Variants in ZFAND3 observed in about 807,000 individuals in gnomAD.
ZFAND3 encodes zinc finger AN1-type containing 3.
In ZFAND3, 10 loss-of-function variants were observed where a neutral mutation model predicts 29.6. That is an observed-to-expected ratio of 0.34 (90% CI 0.21 to 0.57). The LOEUF is 0.57. Ranked by LOEUF, ZFAND3 falls within the 20% of genes least tolerant of loss-of-function variation. ZFAND3 has a pLI of 0.86. For synonymous variants in ZFAND3, 128 were observed against 112.6 expected, an observed-to-expected ratio of 1.14 and a Z score of -0.87; for missense variants, 230 against 304.5, an observed-to-expected ratio of 0.76 and a Z score of 1.82.
At chr6:38,005,015 T>C (rs1763024842) in intron 2 of ZFAND3, among the ~76,000 whole-genome samples, 1 of 152,202 alleles carries the variant, frequency 6.6e-6, no homozygotes, top group Non-Finnish European at 1.5e-5. Context: ...CAGTTGCGTG[T>C]GTGAATAGTG....
chr6:38,152,448 AG>A lies in ZFAND3; in HGVS notation c.*61del. 1 of 1,479,646 alleles carries A rather than the reference AG, an allele frequency of 6.8e-7. No individual in the cohort carries two copies. Among genetic ancestry groups the A allele is most frequent in the Non-Finnish European group, 9.0e-7 (1 of 1,115,634 alleles). 91.7% of individuals were successfully genotyped at this position (1,479,646 alleles called of 1,614,324 possible). ...TAGTTCACTAATGTTAGCCTTATTT[AG>A]GACAAAGTCAGCCAGACACCTTGTA... is the stretch of plus-strand genomic sequence containing the variant. On this transcript the variant is annotated 3_prime_UTR_variant, in exon 6 of 6. Coordinates refer to ENST00000287218, the MANE Select transcript of ZFAND3 (RefSeq NM_021943.3).
At chr6:37,896,507 C>CTTTCTTT (rs1765206573) in intron 1 of ZFAND3, among the ~76,000 whole-genome samples, 1 of 109,022 alleles carries the variant, frequency 9.2e-6, no homozygotes, top group African/African-American at 3.5e-5. Flanking sequence ...AATTTTTTTC[C>CTTTCTTT]TCTTTCTTTT....
At chr6:38,048,577 G>A (rs937647730) in intron 2 of ZFAND3, among the ~76,000 whole-genome samples, 6 of 120,914 alleles carry the variant, frequency 5.0e-5, no homozygotes, top group Admixed American at 1.1e-4. Context: ...AGCCGAGATC[G>A]CGCCACTGCA....
intron 1 of ZFAND3, among the ~76,000 whole-genome samples, chr6:37,873,920 C>T (rs926127583): frequency 1.3e-5 from 2 of 152,156 alleles, no homozygotes; most frequent in Non-Finnish European, 2.9e-5. Context: ...ATAATTTTCA[C>T]GTCTCAGAAT....
intron 5 of ZFAND3, among the ~76,000 whole-genome samples, chr6:38,143,419 C>T (rs185627828): frequency 3.9e-5 from 6 of 152,390 alleles, no homozygotes; most frequent in Non-Finnish European, 5.9e-5. Context: ...TCTCAATCAC[C>T]GCTGACTGCA....
intron 3 of ZFAND3, among the ~76,000 whole-genome samples, chr6:38,072,705 A>G (rs907976946): frequency 6.6e-6 from 1 of 152,252 alleles, no homozygotes; most frequent in African/African-American, 2.4e-5. Context: ...TTAAGCTTAC[A>G]TAAATATATT....
intron 2 of ZFAND3, among the ~76,000 whole-genome samples, chr6:38,045,090 ATTTAT>A (rs1488853886): frequency 1.4e-5 from 2 of 146,984 alleles, no homozygotes; most frequent in African/African-American, 5.0e-5. Flanking sequence ...TTATTTATTT[ATTTAT>A]TTATTTATTG....
At chr6:38,066,177 G>A (rs570295097) in intron 3 of ZFAND3, among the ~76,000 whole-genome samples, 76 of 152,302 alleles carry the variant, frequency 5.0e-4, no homozygotes, top group Admixed American at 1.8e-3. Context: ...AGATTTGGGG[G>A]TTGAGAATAT....
chr6:38,051,683 T>C (rs1031976775), intron 2 of ZFAND3, among the ~76,000 whole-genome samples: 2 of 152,382 alleles, frequency 1.3e-5, no homozygotes, highest in African/African-American at 4.8e-5. Flanking sequence ...TTTTGATGGC[T>C]GAACTGTATG....
chr6:38,132,565 C>G (rs918514710), intron 5 of ZFAND3, among the ~76,000 whole-genome samples: 1 of 152,216 alleles, frequency 6.6e-6, no homozygotes, highest in Non-Finnish European at 1.5e-5. Flanking sequence ...TGTAACCGCA[C>G]TAGTCTCTGA....
At chr6:37,842,567 T>TTA (rs1476371066) in intron 1 of ZFAND3, among the ~76,000 whole-genome samples, 1 of 152,176 alleles carries the variant, frequency 6.6e-6, no homozygotes, top group East Asian at 1.9e-4. Flanking sequence ...ATTCTCCTGT[T>TTA]TATATATACC....
chr6:37,914,672 CT>C (rs71542148), intron 1 of ZFAND3, among the ~76,000 whole-genome samples: 22 of 114,154 alleles, frequency 1.9e-4, no homozygotes, highest in Admixed American at 4.4e-4. Context: ...CTTTTTTTTT[CT>C]TTTTTTTTTA....
intron 1 of ZFAND3, among the ~76,000 whole-genome samples, chr6:37,872,586 T>C (rs191123753): frequency 9.8e-5 from 15 of 152,340 alleles, no homozygotes; most frequent in Non-Finnish European, 7.3e-5. Context: ...TCTCCTACTC[T>C]GGCACCATAG....
intron 1 of ZFAND3, among the ~76,000 whole-genome samples, chr6:37,926,189 G>A (rs1262203721): frequency 2.0e-5 from 3 of 152,102 alleles, no homozygotes; most frequent in Non-Finnish European, 4.4e-5. Context: ...CTACTGAGAG[G>A]GAATATGCTA....
intron 2 of ZFAND3, among the ~76,000 whole-genome samples, chr6:38,000,456 C>T (rs771469796): frequency 3.3e-5 from 5 of 152,112 alleles, no homozygotes; most frequent in African/African-American, 1.2e-4. Flanking sequence ...TTTGGCATGG[C>T]TGGGGAGGCC....
At chr6:38,150,895 C>T (rs946870198) in intron 5 of ZFAND3, among the ~76,000 whole-genome samples, 11 of 152,204 alleles carry the variant, frequency 7.2e-5, no homozygotes, top group Admixed American at 4.6e-4. Flanking sequence ...TCTAGATTTA[C>T]CTGGAAGCTT....
In ZFAND3 at chr6:37,952,817, C is replaced by G. The variant is rs144139006; in HGVS notation, c.112+22818C>G. Reference sequence around the variant, plus strand: ...GCAGGGTTCCCAGCTTCCTTCTCCTCTAGCCCAGAGTCTGTGTCCTCCCTC... The same window carrying G: ...GCAGGGTTCCCAGCTTCCTTCTCCTGTAGCCCAGAGTCTGTGTCCTCCCTC... On this transcript the variant is annotated intron_variant, in intron 2 of 5. Coordinates refer to ENST00000287218, the MANE Select transcript of ZFAND3 (RefSeq NM_021943.3). Among the ~76,000 whole-genome samples, 14 of 151,898 alleles carry G rather than the reference C, an allele frequency of 9.2e-5. No individual in the cohort carries two copies. In the East Asian group the frequency reaches 2.7e-3, roughly 30 times the overall value.
rs577296758 is a variant in ZFAND3, at chr6:37,969,673, G to C, written c.112+39674G>C. The stretch of plus-strand genomic sequence containing the variant: ...TCAGGGAATGTCTGTATACAATAGT[G>C]GTCAGAGTAGTGAGTTACTCAGAAG... On this transcript the variant is annotated intron_variant, in intron 2 of 5. Coordinates refer to ENST00000287218, the MANE Select transcript of ZFAND3 (RefSeq NM_021943.3). 1.2e-3 allele frequency among the ~76,000 whole-genome samples: 187 copies of C among 152,252 alleles called. 1 individual carries two copies. The highest frequency in any genetic ancestry group is 1.6e-3 in the African/African-American group (66 of 41,544).
At chr6:37,939,365 C>A (rs1429125059) in intron 2 of ZFAND3, among the ~76,000 whole-genome samples, 1 of 152,210 alleles carries the variant, frequency 6.6e-6, no homozygotes, top group Non-Finnish European at 1.5e-5. Flanking sequence ...ATGGCCTTCT[C>A]CCCTGTGAGT....
Sources: gnomAD v4.1 joint callset for allele counts (sites outside exome capture counted in the v4.1 genomes callset) on GRCh38, gnomAD v4.1.1 for gene constraint, MANE v1.5 for transcripts, NCBI Gene and HGNC (gene_info 2026-07-23, HGNC 2026-07-21) for gene names.